LNPEP: variants seen among roughly 807,000 people sequenced by gnomAD.
LNPEP encodes the protein leucyl-cystinyl aminopeptidase.
Under a neutral mutation model 120.6 loss-of-function variants are expected in LNPEP, and 64 were observed. That is an observed-to-expected ratio of 0.53 (90% CI 0.43 to 0.65). The LOEUF (loss-of-function observed/expected upper bound fraction) is 0.65, where lower values mean the gene tolerates loss of function less well. Among genes scored for constraint, LNPEP ranks in the 30% least tolerant of loss-of-function variants. The pLI is 0.00. For missense variants in LNPEP, 1,057 were observed against 1,200.0 expected, an observed-to-expected ratio of 0.88 and a Z score of 1.76; for synonymous variants, 435 against 425.4, an observed-to-expected ratio of 1.02 and a Z score of -0.28.
chr5:97,024,091 A>G (rs1791279242), intron 14 of LNPEP, among the ~76,000 whole-genome samples: 1 of 152,224 alleles, frequency 6.6e-6, no homozygotes, highest in South Asian at 2.1e-4. Context: ...GGTCTTTCCC[A>G]GCTCTGAGAT....
intron 12 of LNPEP, among the ~76,000 whole-genome samples, chr5:97,014,205 C>G (rs995359931): frequency 1.3e-5 from 2 of 152,164 alleles, no homozygotes; most frequent in Non-Finnish European, 2.9e-5. Flanking sequence ...AGGGACATCT[C>G]TGATGGCTGG....
intron 1 of LNPEP, among the ~76,000 whole-genome samples, chr5:96,955,425 G>A (rs1789443043): frequency 6.6e-6 from 1 of 152,056 alleles, no homozygotes; most frequent in Non-Finnish European, 1.5e-5. Flanking sequence ...GACCAGCCTG[G>A]CCAACAAGGC....
intron 1 of LNPEP, 148 bp downstream of exon 1, chr5:96,936,322 TG>T: frequency 9.7e-6 from 1 of 102,804 alleles, no homozygotes; most frequent in Non-Finnish European, 1.6e-5. Flanking sequence ...AGAGGGGATC[TG>T]GGGGAGGCAG....
At position 97,036,379 on chromosome 5, in the gene LNPEP, A is replaced by G. The variant is rs1009499605; in HGVS notation, c.*7846A>G. The G allele has an allele frequency of 1.3e-5, 2 of 152,022 alleles. No individual in the cohort carries two copies. Among genetic ancestry groups the G allele is most frequent in the Admixed American group, 6.6e-5 (1 of 15,240 alleles). 9.4% of individuals were successfully genotyped at this position (152,022 alleles called of 1,614,324 possible). A position where few individuals can be genotyped will look rare whatever the true frequency, so the allele number is the denominator to read the frequency against. The stretch of plus-strand genomic sequence containing the variant: ...TTTCCATTTTGTCTTTAGTGCCTAT[A>G]CTGTTAGGTGTTTTCTTCACTGGCA... On this transcript the variant is annotated 3_prime_UTR_variant, in exon 18 of 18. Coordinates refer to ENST00000231368, the MANE Select transcript of LNPEP (RefSeq NM_005575.3).
Position 96,998,972 on chromosome 5 carries a change from A to G in LNPEP, c.1653+827A>G, listed in dbSNP as rs116316608. ...GAATGGAACAATGAGGTCTGCAAAGAAAATGAAGTACTAATGGGCAAGTGA... is the reference window on the plus strand; with the variant it reads ...GAATGGAACAATGAGGTCTGCAAAGGAAATGAAGTACTAATGGGCAAGTGA... On this transcript the variant is annotated intron_variant, in intron 8 of 17. Transcript: ENST00000231368. Among the ~76,000 whole-genome samples, 280 of 152,322 alleles carry G rather than the reference A, an allele frequency of 1.8e-3. 1 individual carries two copies. The highest frequency in any genetic ancestry group is 6.0e-3 in the African/African-American group (251 of 41,564).
At chr5:96,959,187 A>G (rs1168384585) in intron 1 of LNPEP, among the ~76,000 whole-genome samples, 1 of 152,062 alleles carries the variant, frequency 6.6e-6, no homozygotes, top group Non-Finnish European at 1.5e-5. Flanking sequence ...TAGGACATGG[A>G]CATTTTGGGG....
At position 97,030,571 on chromosome 5, in the gene LNPEP, G is replaced by A. The variant is rs372506900; in HGVS notation, c.*2038G>A. On this transcript the variant is annotated 3_prime_UTR_variant, in exon 18 of 18. Coordinates refer to ENST00000231368, the MANE Select transcript of LNPEP (RefSeq NM_005575.3). ...ATGTATGTTAGTTAACTCTGCATAT[G>A]GCAAATCTTGTCTTGAATTATATCA... 19 of 150,904 alleles carry A rather than the reference G, an allele frequency of 1.3e-4. No individual in the cohort carries two copies. Among genetic ancestry groups the A allele is most frequent in the African/African-American group, 4.1e-4 (17 of 41,058 alleles). 9.3% of individuals were successfully genotyped at this position (150,904 alleles called of 1,614,324 possible). A position where few individuals can be genotyped will look rare whatever the true frequency, so the allele number is the denominator to read the frequency against.
chr5:96,999,625 C>G (rs1449879213), intron 8 of LNPEP, among the ~76,000 whole-genome samples: 1 of 151,916 alleles, frequency 6.6e-6, no homozygotes, highest in African/African-American at 2.4e-5. Context: ...ATTTGAAAAC[C>G]TGCTTAAAAT....
chr5:96,946,656 T>G (rs960787610), intron 1 of LNPEP, among the ~76,000 whole-genome samples: 4 of 152,240 alleles, frequency 2.6e-5, no homozygotes, highest in Non-Finnish European at 5.9e-5. Flanking sequence ...ATAACTAATT[T>G]TTTAAGTTGG....
chr5:96,991,274 GGTAT>G (rs910860348), intron 4 of LNPEP, among the ~76,000 whole-genome samples: 14 of 152,104 alleles, frequency 9.2e-5, no homozygotes, highest in Non-Finnish European at 2.1e-4. Context: ...AGTATTCCAT[GGTAT>G]GTATATATAT....
At chr5:96,951,263 G>GA (rs780848725) in intron 1 of LNPEP, among the ~76,000 whole-genome samples, 26 of 100,500 alleles carry the variant, frequency 2.6e-4, no homozygotes, top group Non-Finnish European at 6.9e-4. Context: ...TTCTTTTTTT[G>GA]GCGGGGGGCG....
At chr5:97,001,970 T>C (rs949520704) in intron 8 of LNPEP, among the ~76,000 whole-genome samples, 12 of 152,070 alleles carry the variant, frequency 7.9e-5, no homozygotes, top group Admixed American at 6.6e-4. Context: ...TGAAACCCCG[T>C]CTCTACTAAA....
intron 4 of LNPEP, among the ~76,000 whole-genome samples, chr5:96,990,609 T>C (rs1790367817): frequency 6.6e-6 from 1 of 152,180 alleles, no homozygotes; most frequent in East Asian, 1.9e-4. Flanking sequence ...ATGTATTAGC[T>C]TAATCCTCAC....
At chr5:96,936,895 C>T (rs971328098) in intron 1 of LNPEP, 1 of 152,268 alleles carries the variant, frequency 6.6e-6, no homozygotes, top group Non-Finnish European at 1.5e-5. Context: ...AGAGTCAACG[C>T]AGGGAGCCTG....
chr5:97,016,454 G>A (rs567953711), intron 13 of LNPEP, among the ~76,000 whole-genome samples: 148 of 152,044 alleles, frequency 9.7e-4, no homozygotes, highest in Non-Finnish European at 1.6e-3. Flanking sequence ...ACGAGGAGAC[G>A]GAATAGCTTC....
intron 1 of LNPEP, among the ~76,000 whole-genome samples, chr5:96,964,662 G>GA (rs1051710566): frequency 2.0e-5 from 3 of 152,070 alleles, no homozygotes; most frequent in South Asian, 2.1e-4. Context: ...TTACTCCAAG[G>GA]AAAAAATCCT....
rs148021189 is a variant in LNPEP, at chr5:97,025,239, G to T, written c.2723+557G>T. Reference sequence around the variant, plus strand: ...TAGAGGAGCTCTACATAGCCAAGAGGAATATAGAGGTATCTGCTGTAGAGA... The same window carrying T: ...TAGAGGAGCTCTACATAGCCAAGAGTAATATAGAGGTATCTGCTGTAGAGA... On this transcript the variant is annotated intron_variant, in intron 15 of 17. Coordinates refer to ENST00000231368, the MANE Select transcript of LNPEP (RefSeq NM_005575.3). 7.9e-5 allele frequency among the ~76,000 whole-genome samples: 12 copies of T among 152,278 alleles called. No homozygotes were observed. The East Asian group carries it at 2.3e-3, about 29-fold the overall frequency.
intron 1 of LNPEP, among the ~76,000 whole-genome samples, chr5:96,955,852 T>G (rs922065902): frequency 1.3e-5 from 2 of 152,272 alleles, no homozygotes; most frequent in African/African-American, 4.8e-5. Flanking sequence ...AAGTTTTAAC[T>G]TTTTAAGAAA....
intron 11 of LNPEP, among the ~76,000 whole-genome samples, chr5:97,009,703 TA>T (rs1182604250): frequency 6.8e-6 from 1 of 146,558 alleles, no homozygotes; most frequent in Non-Finnish European, 1.5e-5. Flanking sequence ...GCTGCTATTT[TA>T]ATTCCTGCCA....
Sources: gnomAD v4.1 joint callset for allele counts (sites outside exome capture counted in the v4.1 genomes callset) on GRCh38, gnomAD v4.1.1 for gene constraint, MANE v1.5 for transcripts, NCBI Gene and HGNC (gene_info 2026-07-23, HGNC 2026-07-21) for gene names.